FCRL5: variants seen among roughly 807,000 people sequenced by gnomAD.
FCRL5 encodes the protein Fc receptor-like protein 5.
Under a neutral mutation model 92.1 loss-of-function variants are expected in FCRL5, and 79 were observed. That is an observed-to-expected ratio of 0.86 (90% CI 0.72 to 1.03). The LOEUF is 1.03. Ranked by LOEUF, FCRL5 falls within the 50% of genes least tolerant of loss-of-function variation. The probability of loss-of-function intolerance (pLI) is 0.00; values close to 1 mark genes in which losing one functional copy is unlikely to be tolerated. For missense variants in FCRL5, 1,160 were observed against 1,181.1 expected, an observed-to-expected ratio of 0.98 and a Z score of 0.26; for synonymous variants, 466 against 469.3, an observed-to-expected ratio of 0.99 and a Z score of 0.09.
intron 8 of FCRL5, among the ~76,000 whole-genome samples, chr1:157,528,964 C>G (rs1650565482): frequency 6.6e-6 from 1 of 152,114 alleles, no homozygotes; most frequent in South Asian, 2.1e-4. Context: ...ATAGATGGGT[C>G]TGAATTAAAT....
In FCRL5 at chr1:157,544,987, T is replaced by C. The variant is rs1470881249; in HGVS notation, c.403A>G (p.Ile135Val). Residue 135 changes from isoleucine to valine, a missense_variant, in exon 4 of 17, where the codon ATT becomes GTT. Ile to Val is a conservative substitution (Grantham distance 29). Coordinates refer to ENST00000361835, the MANE Select transcript of FCRL5 (RefSeq NM_031281.3). Reference sequence around the variant, plus strand: ...GCCAGGACATTATCATTCTTGTAAATAGTATTATTCAGTGTTACTTCCGCC... The same window carrying C: ...GCCAGGACATTATCATTCTTGTAAACAGTATTATTCAGTGTTACTTCCGCC... Reference protein sequence around the residue: ...AKAEVTLNNTIYKNDNVLAFL... With the variant: ...AKAEVTLNNTVYKNDNVLAFL... The C allele has an allele frequency of 1.2e-6, 2 of 1,614,056 alleles. No individual in the cohort carries two copies. Among genetic ancestry groups the C allele is most frequent in the African/African-American group, 1.3e-5 (1 of 74,916 alleles).
chr1:157,548,739 C>A (rs1461291516), intron 2 of FCRL5, among the ~76,000 whole-genome samples: 2 of 152,168 alleles, frequency 1.3e-5, no homozygotes, highest in Non-Finnish European at 2.9e-5. Flanking sequence ...AATGAGATAC[C>A]ATATCACACC....
At chr1:157,521,823 G>A (rs966920518) in intron 10 of FCRL5, 3 of 152,462 alleles carry the variant, frequency 2.0e-5, no homozygotes, top group Non-Finnish European at 4.4e-5. Flanking sequence ...AGCGATTTGG[G>A]AGTATGAGGC....
intron 6 of FCRL5, among the ~76,000 whole-genome samples, chr1:157,540,014 A>G (rs1651176959): frequency 6.6e-6 from 1 of 152,210 alleles, no homozygotes; most frequent in Non-Finnish European, 1.5e-5. Flanking sequence ...ACATGTCTTT[A>G]GCCATGGCAA....
In FCRL5 at chr1:157,552,371, G is replaced by A; in HGVS notation, c.-9C>T. The A allele has an allele frequency of 6.2e-7, 1 of 1,613,982 alleles. No individual in the cohort carries two copies. Among genetic ancestry groups the A allele is most frequent in the Non-Finnish European group, 8.5e-7 (1 of 1,179,932 alleles). On this transcript the variant is annotated 5_prime_UTR_variant, in exon 1 of 17. Coordinates refer to ENST00000361835, the MANE Select transcript of FCRL5 (RefSeq NM_031281.3). ...ATCACCCACAGCAGCATGAAGACCT[G>A]GACCACCAAGGGCTGAGATCAAAAG...
In FCRL5 at chr1:157,521,089, C is replaced by CA; in HGVS notation, c.2442dup (p.Gly815TrpfsTer6). 1 of 1,614,186 alleles carries CA rather than the reference C, an allele frequency of 6.2e-7. No homozygotes were observed. Among genetic ancestry groups the CA allele is most frequent in the Non-Finnish European group, 8.5e-7 (1 of 1,180,042 alleles). On this transcript the variant is annotated frameshift_variant, in exon 11 of 17. Transcript: ENST00000361835. LOFTEE classifies it high-confidence loss of function. ...TTGTCGGCCTCACAGGAGTAGTTTC[C>CA]AGAGTGCTCTGCAGTCAGAGAGAGG... is the stretch of plus-strand genomic sequence containing the variant.
intron 15 of FCRL5, among the ~76,000 whole-genome samples, chr1:157,517,297 A>C (rs1157050532): frequency 1.3e-5 from 2 of 152,162 alleles, no homozygotes; most frequent in African/African-American, 4.8e-5. Flanking sequence ...TAGTCCCCAC[A>C]GTTACCCCAT....
chr1:157,552,457 C>T lies in FCRL5; in HGVS notation c.-95G>A. On this transcript the variant is annotated 5_prime_UTR_variant, in exon 1 of 17. In the 5' UTR this introduces an upstream ATG that the reference lacks. Transcript: ENST00000361835. ...GATCTTACAGTCAGGACACTGCACA[C>T]CAGCTCCAAGGAGCACATCTGAGAA... is the stretch of plus-strand genomic sequence containing the variant. 1.6e-6 allele frequency: 2 copies of T among 1,283,832 alleles called. No homozygotes were observed. The allele number at this position is 1,283,832 out of a possible 1,614,324, so 79.5% of individuals were successfully genotyped here. A position where few individuals can be genotyped will look rare whatever the true frequency, so the allele number is the denominator to read the frequency against.
chr1:157,527,495 A>G, intron 9 of FCRL5, 122 bp downstream of exon 9: 8 of 1,008,826 alleles, frequency 7.9e-6, no homozygotes, highest in Non-Finnish European at 9.9e-6. Flanking sequence ...CTGTGTAGGC[A>G]CCAAGCCTGA....
At chr1:157,546,255 C>T (rs1486310127) in intron 3 of FCRL5, 2 of 454,230 alleles carry the variant, frequency 4.4e-6, no homozygotes, top group Non-Finnish European at 8.8e-6. Flanking sequence ...CAACATTAGC[C>T]TGGGCAGCAT....
Position 157,518,464 on chromosome 1 carries a change from T to C in FCRL5, c.2777A>G (p.Glu926Gly). The change falls in exon 15 of 17, where the codon GAA (glutamate) becomes GGA (glycine). Residue 926 changes from glutamate (E) to glycine (G), a missense_variant. By Grantham distance (98) the Glu-to-Gly change is moderately conservative. Transcript: ENST00000361835. ...NPRGENVVYS[E>G]VRIIQEKKKH... ...CTTTTTCTCTTGGATGATCCGTACT[T>C]CTGAGTAAACCACATTTTCTCCTCT... 1 of 1,614,206 alleles carries C rather than the reference T, an allele frequency of 6.2e-7. No homozygotes were observed. The highest frequency in any genetic ancestry group is 8.5e-7 in the Non-Finnish European group (1 of 1,180,018).
intron 15 of FCRL5, among the ~76,000 whole-genome samples, chr1:157,516,271 G>T (rs1185773416): frequency 1.3e-5 from 2 of 152,220 alleles, no homozygotes; most frequent in African/African-American, 4.8e-5. Context: ...CGCCTGTCTT[G>T]TCACCTCCGT....
At chr1:157,526,152 G>C (rs1279471612) in intron 9 of FCRL5, among the ~76,000 whole-genome samples, 1 of 152,186 alleles carries the variant, frequency 6.6e-6, no homozygotes, top group African/African-American at 2.4e-5. Context: ...GCCAGGGAGA[G>C]AAGAGAGCCA....
rs758869408 is a variant in FCRL5 at position 157,515,778 on chromosome 1, G to A, written c.2845-14C>T. ...GATAGGGGAACCCTAGGAGGCAAGA[G>A]CACATGCGTGAGGACCAGGGTGGGC... On this transcript the variant is annotated splice_polypyrimidine_tract_variant and intron_variant, in intron 16 of 16. Transcript: ENST00000361835. 2.5e-6 allele frequency: 4 copies of A among 1,610,430 alleles called. No homozygotes were observed. Among genetic ancestry groups the A allele is most frequent in the Non-Finnish European group, 3.4e-6 (4 of 1,177,892 alleles).
chr1:157,516,777 T>A (rs749431203), intron 15 of FCRL5, among the ~76,000 whole-genome samples: 1 of 152,212 alleles, frequency 6.6e-6, no homozygotes, highest in Non-Finnish European at 1.5e-5. Context: ...TGGAATTGCA[T>A]GAAGAAGCAG....
intron 9 of FCRL5, among the ~76,000 whole-genome samples, chr1:157,527,052 G>A (rs1412160269): frequency 6.6e-6 from 1 of 152,278 alleles, no homozygotes; most frequent in East Asian, 1.9e-4. Flanking sequence ...GCATAACTAG[G>A]AGTCTGCCTG....
chr1:157,543,158 G>C, intron 5 of FCRL5, 21 bp from the exon 6 acceptor site: 1 of 1,604,464 alleles, frequency 6.2e-7, no homozygotes, highest in Non-Finnish European at 8.5e-7. Context: ...GAAAAAATTA[G>C]TCAAGAATTG....
At chr1:157,538,917 G>A (rs1209811047) in intron 7 of FCRL5, among the ~76,000 whole-genome samples, 169 bp downstream of exon 7, 1 of 152,240 alleles carries the variant, frequency 6.6e-6, no homozygotes, top group Non-Finnish European at 1.5e-5. Flanking sequence ...AATGGGATGA[G>A]GCTCAAGGGG....
intron 1 of FCRL5, among the ~76,000 whole-genome samples, chr1:157,551,764 A>AG: frequency 6.6e-6 from 1 of 152,256 alleles, no homozygotes; most frequent in Non-Finnish European, 1.5e-5. Context: ...GTACACCCAC[A>AG]GGGACAAAGA....
Sources: gnomAD v4.1 joint callset for allele counts (sites outside exome capture counted in the v4.1 genomes callset) on GRCh38, gnomAD v4.1.1 for gene constraint, MANE v1.5 for transcripts, NCBI Gene and HGNC (gene_info 2026-07-23, HGNC 2026-07-21) for gene names.